TBL1X: variants seen among roughly 807,000 people sequenced by gnomAD.
TBL1X encodes F-box-like/WD repeat-containing protein TBL1X.
A neutral mutation model predicts 50.7 loss-of-function variants in TBL1X; 10 were observed. That is an observed-to-expected ratio of 0.20 (90% CI 0.12 to 0.33). The LOEUF (loss-of-function observed/expected upper bound fraction) is 0.33, where lower values mean the gene tolerates loss of function less well. Ranked by LOEUF, TBL1X falls within the 10% of genes least tolerant of loss-of-function variation. The pLI, the probability that TBL1X is intolerant of heterozygous loss-of-function variation, is 1.00. For synonymous variants in TBL1X, 190 were observed against 214.7 expected (o/e 0.88, Z 1.01); for missense variants, 340 against 504.4 (o/e 0.67, Z 3.12).
intron 1 of TBL1X, among the ~76,000 whole-genome samples, chrX:9,491,338 A>ATATATATATATATATATATATATT (rs1328551249): frequency 3.2e-5 from 1 of 31,310 alleles, no homozygotes; most frequent in African/African-American, 1.2e-4. Context: ...ATATATATAT[A>ATATATATATATATATATATATATT]TTTTTTTTTT....
chrX:9,495,744 C>T (rs2081968019), intron 1 of TBL1X, among the ~76,000 whole-genome samples: 1 of 112,065 alleles, frequency 8.9e-6, no homozygotes, highest in Non-Finnish European at 1.9e-5. Context: ...TGCTTCAGGA[C>T]ATGAGACAGC....
chrX:9,684,523 T>C (rs1051454563), intron 6 of TBL1X, among the ~76,000 whole-genome samples: 2 of 98,821 alleles, frequency 2.0e-5, no homozygotes, highest in African/African-American at 7.7e-5. Flanking sequence ...GCCTGAGAGG[T>C]TGAGGCTGCA....
chrX:9,704,507 C>G (rs780755899), intron 12 of TBL1X, among the ~76,000 whole-genome samples: 14 of 111,622 alleles, frequency 1.3e-4, no homozygotes, highest in Admixed American at 1.0e-3. Context: ...ATCTTGTCAT[C>G]CCTGCCAACG....
At chrX:9,515,521 G>A (rs1005052550) in intron 2 of TBL1X, among the ~76,000 whole-genome samples, 13 of 112,015 alleles carry the variant, frequency 1.2e-4, no homozygotes, top group African/African-American at 3.2e-4. Context: ...CCTCAGTAGC[G>A]GAGCCAGATC....
rs2082925262 is a variant in TBL1X, at chrX:9,665,529, AT to A, written c.211+11208del. Reference sequence around the variant, plus strand: ...TATATATATATATATATATATATATATATATATATAAAAGGCCTTGGTGCTT... The same window carrying A: ...TATATATATATATATATATATATATAATATATATAAAAGGCCTTGGTGCTT... On this transcript the variant is annotated intron_variant, in intron 5 of 17. Transcript: ENST00000645353. 5.5e-5 allele frequency among the ~76,000 whole-genome samples: 3 copies of A among 55,012 alleles called. No homozygotes were observed. In the East Asian group the frequency reaches 2.3e-3, roughly 42 times the overall value. 47.8% of individuals were successfully genotyped at this position (55,012 alleles called of 115,157 possible).
At chrX:9,612,667 T>G (rs1004352325) in intron 2 of TBL1X, among the ~76,000 whole-genome samples, 3 of 111,620 alleles carry the variant, frequency 2.7e-5, no homozygotes, top group Non-Finnish European at 5.6e-5. Flanking sequence ...AGTGTGTTCT[T>G]TGGTCAGTGA....
intron 15 of TBL1X, among the ~76,000 whole-genome samples, chrX:9,710,423 C>T (rs760765544): frequency 1.8e-5 from 2 of 110,736 alleles, no homozygotes; most frequent in Non-Finnish European, 3.8e-5. Flanking sequence ...CCGTAATTCT[C>T]ATATTTCAAG....
chrX:9,608,052 T>A (rs2082593042), intron 2 of TBL1X, among the ~76,000 whole-genome samples: 1 of 109,879 alleles, frequency 9.1e-6, no homozygotes, highest in African/African-American at 3.3e-5. Context: ...TCCTCCCGCC[T>A]TGGGCTCCCA....
At chrX:9,705,723 TAAAAAAAAAA>T (rs34666783) in intron 13 of TBL1X, among the ~76,000 whole-genome samples, 1 of 78,246 alleles carries the variant, frequency 1.3e-5, no homozygotes, top group African/African-American at 4.8e-5. Flanking sequence ...CTTGTCTCTT[TAAAAAAAAAA>T]AAAAAAAAAA....
At chrX:9,690,407 C>T (rs1239020330) in intron 7 of TBL1X, among the ~76,000 whole-genome samples, 1 of 111,552 alleles carries the variant, frequency 9.0e-6, no homozygotes, top group Admixed American at 9.5e-5. Flanking sequence ...TAGAGACTGT[C>T]TTCTCTCCAT....
intron 2 of TBL1X, among the ~76,000 whole-genome samples, chrX:9,562,171 G>A (rs1176195043): frequency 8.9e-6 from 1 of 111,981 alleles, no homozygotes; most frequent in Non-Finnish European, 1.9e-5. Context: ...TCTTCATAAA[G>A]TTCAGAGTTG....
intron 1 of TBL1X, among the ~76,000 whole-genome samples, chrX:9,472,684 G>T (rs772578389): frequency 9.1e-6 from 1 of 110,128 alleles, no homozygotes; most frequent in Non-Finnish European, 1.9e-5. Context: ...GAGGCTGAGG[G>T]GGGCAGATCA....
At chrX:9,485,318 G>C (rs1213219625) in intron 1 of TBL1X, among the ~76,000 whole-genome samples, 2 of 112,201 alleles carry the variant, frequency 1.8e-5, no homozygotes, top group Non-Finnish European at 3.8e-5. Flanking sequence ...AGTTGTTCCA[G>C]GTATTTCTCT....
At chrX:9,676,892 G>A (rs1418351710) in intron 5 of TBL1X, among the ~76,000 whole-genome samples, 1 of 111,837 alleles carries the variant, frequency 8.9e-6, no homozygotes, top group Non-Finnish European at 1.9e-5. Flanking sequence ...GATAAGAACT[G>A]CTTCTTGGGC....
At chrX:9,623,008 G>A (rs1275587055) in intron 2 of TBL1X, among the ~76,000 whole-genome samples, 6 of 111,507 alleles carry the variant, frequency 5.4e-5, no homozygotes, top group Admixed American at 9.5e-5. Flanking sequence ...AAGTGGACTT[G>A]CTGGATCACA....
intron 13 of TBL1X, among the ~76,000 whole-genome samples, chrX:9,708,405 G>A (rs193172322): frequency 1.6e-4 from 18 of 112,479 alleles, no homozygotes; most frequent in Admixed American, 1.3e-3. Context: ...TGTTGCACAT[G>A]TGTGCCTGCC....
intron 1 of TBL1X, among the ~76,000 whole-genome samples, chrX:9,478,170 G>A (rs1036100019): frequency 9.0e-6 from 1 of 111,658 alleles, no homozygotes; most frequent in African/African-American, 3.3e-5. Flanking sequence ...TAGAGGAGGA[G>A]CTCATTGTTT....
intron 1 of TBL1X, among the ~76,000 whole-genome samples, chrX:9,500,114 A>G (rs370056938): frequency 9.3e-6 from 1 of 107,782 alleles, no homozygotes; most frequent in East Asian, 2.9e-4. Context: ...ACAAGACCCC[A>G]TCTCTTTAAA....
intron 2 of TBL1X, among the ~76,000 whole-genome samples, chrX:9,579,057 GT>G: frequency 8.9e-6 from 1 of 111,913 alleles, no homozygotes; most frequent in East Asian, 2.8e-4. Flanking sequence ...GCAATGTATT[GT>G]TTTTTCTTCC....
Sources: allele counts gnomAD v4.1 joint callset (sites outside exome capture counted in the v4.1 genomes callset), GRCh38; gene constraint gnomAD v4.1.1; transcripts MANE v1.5; gene names NCBI Gene and HGNC (gene_info 2026-07-23, HGNC 2026-07-21).